The following PELI2 variants were observed in gnomAD, a reference collection of about 807,000 sequenced individuals.
The protein encoded by PELI2 is pellino E3 ubiquitin protein ligase family member 2.
PELI2 carries 23 observed loss-of-function variants against 42.3 expected under a neutral mutation model. The observed-to-expected ratio is 0.54, with a 90% confidence interval of 0.39 to 0.77. PELI2 has a LOEUF of 0.77. PELI2 is among the 30% of genes least tolerant of loss of function. The pLI is 0.00. For missense variants in PELI2, 463 were observed against 553.2 expected, an observed-to-expected ratio of 0.84 and a Z score of 1.64; for synonymous variants, 245 against 212.2, an observed-to-expected ratio of 1.15 and a Z score of -1.34.
intron 2 of PELI2, among the ~76,000 whole-genome samples, chr14:56,209,828 C>T (rs1022522926): frequency 6.6e-6 from 1 of 152,208 alleles, no homozygotes; most frequent in African/African-American, 2.4e-5. Flanking sequence ...GGAAGGCCCT[C>T]ACTAACTCTT....
chr14:56,275,572 A>C (rs1173271796), intron 2 of PELI2, among the ~76,000 whole-genome samples: 1 of 152,202 alleles, frequency 6.6e-6, no homozygotes, highest in Non-Finnish European at 1.5e-5. Context: ...GATCCCTCAC[A>C]TGCGCATTCA....
chr14:56,118,671 C>G lies in PELI2; in HGVS notation c.11C>G (p.Pro4Arg). 6.8e-7 allele frequency: 1 copy of G among 1,473,516 alleles called. No individual in the cohort carries two copies. The highest frequency in any genetic ancestry group is 2.9e-5 in the East Asian group (1 of 34,046). 91.3% of individuals were successfully genotyped at this position (1,473,516 alleles called of 1,614,324 possible). The stretch of plus-strand genomic sequence containing the variant: ...GCCGAGCGGGGCTCCATGTTTTCCC[C>G]TGGCCAGGAGGAACACTGCGCCCCC... MFS[P>R]GQEEHCAPNK... Residue 4 changes from proline to arginine, a missense_variant, in exon 1 of 6, where the codon CCT (proline) becomes CGT (arginine). Pro to Arg is a moderately radical substitution (Grantham distance 103, BLOSUM62 -2). Coordinates refer to ENST00000267460, the MANE Select transcript of PELI2 (RefSeq NM_021255.3).
chr14:56,162,909 G>A (rs1313581703), intron 1 of PELI2, among the ~76,000 whole-genome samples: 1 of 151,878 alleles, frequency 6.6e-6, no homozygotes, highest in Non-Finnish European at 1.5e-5. Flanking sequence ...TTTGAGAAAT[G>A]TCTATTTAAA....
At chr14:56,198,592 C>T (rs1339456557) in intron 2 of PELI2, among the ~76,000 whole-genome samples, 1 of 152,128 alleles carries the variant, frequency 6.6e-6, no homozygotes, top group Non-Finnish European at 1.5e-5. Context: ...GGACAGTGTC[C>T]AGCATGGAGT....
chr14:56,165,648 T>A (rs745768595), intron 1 of PELI2, among the ~76,000 whole-genome samples: 1 of 152,208 alleles, frequency 6.6e-6, no homozygotes, highest in Admixed American at 6.5e-5. Flanking sequence ...GTTGATCTTC[T>A]GTTTGGAAGA....
At chr14:56,247,976 C>T (rs1212882300) in intron 2 of PELI2, among the ~76,000 whole-genome samples, 4 of 152,096 alleles carry the variant, frequency 2.6e-5, no homozygotes, top group Admixed American at 2.6e-4. Context: ...TCTAAAAATG[C>T]CCACTGTTTT....
intron 2 of PELI2, among the ~76,000 whole-genome samples, chr14:56,253,945 T>C (rs1020207069): frequency 6.6e-6 from 1 of 152,172 alleles, no homozygotes; most frequent in African/African-American, 2.4e-5. Flanking sequence ...CTTCAAACTA[T>C]ACTACAAGGC....
At chr14:56,284,024 A>C (rs1266713918) in intron 3 of PELI2, among the ~76,000 whole-genome samples, 1 of 152,214 alleles carries the variant, frequency 6.6e-6, no homozygotes, top group Non-Finnish European at 1.5e-5. Flanking sequence ...CTCAGTGTGG[A>C]GAGTTTGTTC....
intron 2 of PELI2, among the ~76,000 whole-genome samples, chr14:56,202,904 T>C (rs980751538): frequency 6.6e-6 from 1 of 151,996 alleles, no homozygotes; most frequent in Non-Finnish European, 1.5e-5. Context: ...TAAATAAAAA[T>C]AAAAGGCAGG....
intron 1 of PELI2, among the ~76,000 whole-genome samples, chr14:56,170,236 C>T (rs1370993216): frequency 2.0e-5 from 3 of 152,192 alleles, no homozygotes; most frequent in African/African-American, 7.2e-5. Context: ...TCCTGTGATG[C>T]TGATGCAACC....
intron 1 of PELI2, among the ~76,000 whole-genome samples, chr14:56,156,116 G>T: frequency 1.3e-5 from 2 of 151,764 alleles, no homozygotes; most frequent in Middle Eastern, 6.8e-3. Flanking sequence ...TTTTATTCTT[G>T]GTTCTTAAAA....
chr14:56,204,735 G>C (rs995299367), intron 2 of PELI2, among the ~76,000 whole-genome samples: 1 of 152,084 alleles, frequency 6.6e-6, no homozygotes, highest in Non-Finnish European at 1.5e-5. Context: ...GAGTCTATGA[G>C]TTAGGGTCTG....
intron 2 of PELI2, among the ~76,000 whole-genome samples, chr14:56,187,966 G>T (rs1885826483): frequency 6.6e-6 from 1 of 152,188 alleles, no homozygotes; most frequent in Non-Finnish European, 1.5e-5. Context: ...TTCGCAGGGG[G>T]CGTTGTCGTT....
At chr14:56,185,654 C>T (rs1176939984) in intron 2 of PELI2, among the ~76,000 whole-genome samples, 3 of 152,032 alleles carry the variant, frequency 2.0e-5, no homozygotes, top group Non-Finnish European at 2.9e-5. Context: ...AGAAGAGTTG[C>T]TTCATTATAT....
chr14:56,152,104 T>C (rs1302701425), intron 1 of PELI2, among the ~76,000 whole-genome samples: 1 of 152,170 alleles, frequency 6.6e-6, no homozygotes, highest in Non-Finnish European at 1.5e-5. Flanking sequence ...CTTTCAACTT[T>C]AAGGAGAAGA....
At chr14:56,266,614 C>G (rs2139846198) in intron 2 of PELI2, among the ~76,000 whole-genome samples, 1 of 152,112 alleles carries the variant, frequency 6.6e-6, no homozygotes, top group Middle Eastern at 3.4e-3. Context: ...GTGGGGAAAA[C>G]ATACTCTCAT....
intron 2 of PELI2, among the ~76,000 whole-genome samples, chr14:56,184,876 A>G (rs192778005): frequency 5.2e-4 from 79 of 152,214 alleles, no homozygotes; most frequent in East Asian, 4.8e-3. Context: ...AGATACATCA[A>G]ATAAAAAGAT....
At chr14:56,278,626 G>C (rs1472448521) in intron 2 of PELI2, among the ~76,000 whole-genome samples, 1 of 152,102 alleles carries the variant, frequency 6.6e-6, no homozygotes, top group African/African-American at 2.4e-5. Flanking sequence ...AGATTAACCA[G>C]GCTAACTAAC....
At chr14:56,163,681 T>C (rs1375678287) in intron 1 of PELI2, among the ~76,000 whole-genome samples, 1 of 152,136 alleles carries the variant, frequency 6.6e-6, no homozygotes, top group African/African-American at 2.4e-5. Context: ...GACATTTGAA[T>C]AATATTTATT....
Sources: allele counts gnomAD v4.1 joint callset (sites outside exome capture counted in the v4.1 genomes callset), GRCh38; gene constraint gnomAD v4.1.1; transcripts MANE v1.5; gene names NCBI Gene and HGNC (gene_info 2026-07-23, HGNC 2026-07-21).